Variants in RPL27A observed in about 807,000 individuals in gnomAD.
RPL27A encodes the protein large ribosomal subunit protein uL15.
For synonymous variants in RPL27A, 69 were observed against 68.3 expected (o/e 1.01, Z -0.05); for missense variants, 118 against 189.4 (o/e 0.62, Z 2.21).
Position 8,685,512 on chromosome 11 carries a change from C to CT in RPL27A, c.319-164dup, listed in dbSNP as rs770847195. 4 of 776,934 alleles carry CT rather than the reference C, an allele frequency of 5.1e-6. No individual in the cohort carries two copies. In the South Asian group the frequency reaches 5.4e-5, roughly 10 times the overall value. The allele number at this position is 776,934 out of a possible 1,614,324, so 48.1% of individuals were successfully genotyped here. A position where few individuals can be genotyped will look rare whatever the true frequency, so the allele number is the denominator to read the frequency against. ...GAGTACTCGAAGAGAATCTACTGGT[C>CT]TTGATTCACTGGTGGGGGCAGTCGG... is the stretch of plus-strand genomic sequence containing the variant. On this transcript the variant is annotated intron_variant, in intron 4 of 4. Coordinates refer to ENST00000314138, the MANE Select transcript of RPL27A (RefSeq NM_000990.5).
At position 8,684,093 on chromosome 11, in the gene RPL27A, T is replaced by G; in HGVS notation, c.143+12T>G. ...AACTTCGACAAATAGTAAGTGTCCT[T>G]GGACTGCTTTTATTGACACAGCTTG... On this transcript the variant is annotated intron_variant, in intron 3 of 4. Transcript: ENST00000314138. 1 of 1,609,430 alleles carries G rather than the reference T, an allele frequency of 6.2e-7. No individual in the cohort carries two copies. Among genetic ancestry groups the G allele is most frequent in the Non-Finnish European group, 8.5e-7 (1 of 1,176,148 alleles).
chr11:8,683,980 C>T (rs368427840), intron 2 of RPL27A, 26 bp from the exon 3 acceptor site: 23 of 1,599,714 alleles, frequency 1.4e-5, no homozygotes, highest in South Asian at 1.2e-4. Flanking sequence ...ATCACACCGG[C>T]CCCACGTAGC....
At position 8,684,095 on chromosome 11, in the gene RPL27A, G is replaced by A; in HGVS notation, c.143+14G>A. On this transcript the variant is annotated intron_variant, in intron 3 of 4. Coordinates refer to ENST00000314138, the MANE Select transcript of RPL27A (RefSeq NM_000990.5). ...CTTCGACAAATAGTAAGTGTCCTTG[G>A]ACTGCTTTTATTGACACAGCTTGGG... The A allele has an allele frequency of 6.2e-7, 1 of 1,609,070 alleles. No homozygotes were observed. Among genetic ancestry groups the A allele is most frequent in the Admixed American group, 1.7e-5 (1 of 60,022 alleles).
chr11:8,683,105 G>C, intron 1 of RPL27A, 97 bp from the exon 2 acceptor site: 1 of 1,299,182 alleles, frequency 7.7e-7, no homozygotes, highest in South Asian at 1.2e-5. Flanking sequence ...CAGAAGTTAG[G>C]TCTTTGACCC....
chr11:8,688,724 CTCG>C lies in RPL27A; in HGVS notation c.*2921_*2923del, dbSNP rs777418186. 3 of 152,246 alleles carry C rather than the reference CTCG, an allele frequency of 2.0e-5. No individual in the cohort carries two copies. Among genetic ancestry groups the C allele is most frequent in the Non-Finnish European group, 4.4e-5 (3 of 68,038 alleles). The allele number at this position is 152,246 out of a possible 1,614,324, so 9.4% of individuals were successfully genotyped here. A position where few individuals can be genotyped will look rare whatever the true frequency, so the allele number is the denominator to read the frequency against. On this transcript the variant is annotated 3_prime_UTR_variant, in exon 5 of 5. Coordinates refer to ENST00000314138, the MANE Select transcript of RPL27A (RefSeq NM_000990.5). The stretch of plus-strand genomic sequence containing the variant: ...TGCCACATAATTTGCACAAGCAGTG[CTCG>C]TCAAGGGCAGCTAAATCAGGCGAGC...
At chr11:8,685,646 T>C (rs749014144) in intron 4 of RPL27A, 32 bp from the exon 5 acceptor site, 3 of 1,612,892 alleles carry the variant, frequency 1.9e-6, no homozygotes, top group Admixed American at 1.7e-5. Context: ...CCTACTACAG[T>C]GTATTGTAAA....
intron 1 of RPL27A, 123 bp from the exon 2 acceptor site, chr11:8,683,079 G>T (rs1273983648): frequency 3.6e-6 from 4 of 1,098,892 alleles, no homozygotes; most frequent in Non-Finnish European, 5.5e-6. Context: ...GGTACCCTCA[G>T]CTTTCCCAAA....
intron 4 of RPL27A, chr11:8,685,136 C>T: frequency 1.8e-6 from 1 of 558,176 alleles, no homozygotes; most frequent in Non-Finnish European, 3.2e-6. Flanking sequence ...AGCTCTTGGC[C>T]CTTCATGTTC....
chr11:8,688,537 T>A lies in RPL27A; in HGVS notation c.*2731T>A, dbSNP rs1047999804. On this transcript the variant is annotated 3_prime_UTR_variant, in exon 5 of 5. Coordinates refer to ENST00000314138, the MANE Select transcript of RPL27A (RefSeq NM_000990.5). Reference sequence around the variant, plus strand: ...ATTTTCATGACTGCCAAGCTTTGAATAGCCTGCTGTGTTCATGGAGGCTCA... The same window carrying A: ...ATTTTCATGACTGCCAAGCTTTGAAAAGCCTGCTGTGTTCATGGAGGCTCA... 4.6e-5 allele frequency: 7 copies of A among 152,248 alleles called. No homozygotes were observed. The highest frequency in any genetic ancestry group is 2.1e-4 in the South Asian group (1 of 4,834). The allele number at this position is 152,248 out of a possible 1,614,324, so 9.4% of individuals were successfully genotyped here.
chr11:8,685,448 A>G, intron 4 of RPL27A: 1 of 694,424 alleles, frequency 1.4e-6, no homozygotes, highest in Admixed American at 1.8e-5. Flanking sequence ...TGCCGAGACT[A>G]GAGTCACATC....
chr11:8,682,973 G>T (rs2039515105), intron 1 of RPL27A, 157 bp downstream of exon 1: 1 of 1,051,524 alleles, frequency 9.5e-7, no homozygotes, highest in Non-Finnish European at 1.4e-6. Flanking sequence ...CCCGGGGCGG[G>T]GCTCCCGGAG....
intron 1 of RPL27A, 72 bp from the exon 2 acceptor site, chr11:8,683,130 C>A: frequency 6.9e-7 from 1 of 1,458,932 alleles, no homozygotes; most frequent in Non-Finnish European, 9.6e-7. Flanking sequence ...GCTTACAGGA[C>A]CATCTCGGCT....
At position 8,685,464 on chromosome 11, in the gene RPL27A, A is replaced by G. The variant is rs375348244; in HGVS notation, c.319-214A>G. 180 of 714,806 alleles carry G rather than the reference A, an allele frequency of 2.5e-4. No individual in the cohort carries two copies. The African/African-American group carries it at 2.8e-3, about 11-fold the overall frequency. The allele number at this position is 714,806 out of a possible 1,614,324, so 44.3% of individuals were successfully genotyped here. ...GCCGAGACTAGAGTCACATCCTGAC[A>G]CAACTCTTGTCCTGGTGTGCTAGAG... On this transcript the variant is annotated intron_variant, in intron 4 of 4. Transcript: ENST00000314138.
intron 2 of RPL27A, chr11:8,683,627 T>C (rs2039537952): frequency 4.1e-6 from 2 of 482,198 alleles, no homozygotes; most frequent in Non-Finnish European, 7.5e-6. Context: ...TGGGAAACAC[T>C]CTGCTTTTGT....
In RPL27A at chr11:8,688,840, A is replaced by C. The variant is rs2039610374; in HGVS notation, c.*3034A>C. ...AGCCCACGGACGGACTGCAAGTCGG[A>C]AGCGCGGGCGGAAGCTGTGCAGCGC... On this transcript the variant is annotated 3_prime_UTR_variant, in exon 5 of 5. Transcript: ENST00000314138. 2 of 152,298 alleles carry C rather than the reference A, an allele frequency of 1.3e-5. No individual in the cohort carries two copies. Among genetic ancestry groups the C allele is most frequent in the South Asian group, 4.1e-4 (2 of 4,838 alleles). 9.4% of individuals were successfully genotyped at this position (152,298 alleles called of 1,614,324 possible).
chr11:8,685,285 T>C (rs2133617920), intron 4 of RPL27A: 1 of 464,752 alleles, frequency 2.2e-6, no homozygotes, highest in South Asian at 1.8e-5. Context: ...CTCTCATGAA[T>C]ATAGAGGTAG....
intron 1 of RPL27A, 150 bp from the exon 2 acceptor site, chr11:8,683,052 A>G (rs1213886696): frequency 6.8e-5 from 61 of 899,212 alleles, no homozygotes; most frequent in Non-Finnish European, 2.3e-5. Flanking sequence ...GTGAGACCTC[A>G]CGGCCCTGAG....
At chr11:8,683,738 C>T (rs1311094664) in intron 2 of RPL27A, 12 of 517,386 alleles carry the variant, frequency 2.3e-5, no homozygotes, top group African/African-American at 1.9e-4. Flanking sequence ...AGTGCAGTGG[C>T]GAAATCTCGG....
At position 8,687,650 on chromosome 11, in the gene RPL27A, A is replaced by AC. The variant is rs1339637144; in HGVS notation, c.*1845dup. ...ACTTAATTTTTTGTTTTGTTTTGAG[A>AC]CGGAGTCTCGCTCTGTCGCCCAGGC... On this transcript the variant is annotated 3_prime_UTR_variant, in exon 5 of 5. Transcript: ENST00000314138. The AC allele has an allele frequency of 1.3e-4, 20 of 152,088 alleles. No individual in the cohort carries two copies. Among genetic ancestry groups the AC allele is most frequent in the African/African-American group, 4.3e-4 (18 of 41,404 alleles). 9.4% of individuals were successfully genotyped at this position (152,088 alleles called of 1,614,324 possible).
Sources: gnomAD v4.1 joint callset for allele counts on GRCh38, gnomAD v4.1.1 for gene constraint, MANE v1.5 for transcripts, NCBI Gene and HGNC (gene_info 2026-07-23, HGNC 2026-07-21) for gene names.